The following MACROD2 variants were observed in gnomAD, a reference collection of about 807,000 sequenced individuals.
The protein encoded by MACROD2 is ADP-ribose glycohydrolase MACROD2.
In MACROD2, 36 loss-of-function variants were observed where a neutral mutation model predicts 70.4. That is an observed-to-expected ratio of 0.51 (90% CI 0.39 to 0.68). The LOEUF (loss-of-function observed/expected upper bound fraction) is 0.68, where lower values mean the gene tolerates loss of function less well. MACROD2 is among the 30% of genes least tolerant of loss of function. The probability of loss-of-function intolerance (pLI) is 0.00; values close to 1 mark genes in which losing one functional copy is unlikely to be tolerated. For missense variants in MACROD2, 496 were observed against 538.4 expected (o/e 0.92, Z 0.78); for synonymous variants, 172 against 178.8 (o/e 0.96, Z 0.30).
chr20:14,648,246 C>T (rs373438348), intron 4 of MACROD2, among the ~76,000 whole-genome samples: 1 of 152,092 alleles, frequency 6.6e-6, no homozygotes, highest in African/African-American at 2.4e-5. Context: ...GATGACTAGG[C>T]CTGTAAAGTA....
intron 6 of MACROD2, among the ~76,000 whole-genome samples, chr20:15,348,527 C>G (rs2078191561): frequency 6.6e-6 from 1 of 152,098 alleles, no homozygotes. Flanking sequence ...TTAGTCTGTT[C>G]TCATGCTGCT....
intron 3 of MACROD2, among the ~76,000 whole-genome samples, chr20:14,153,412 G>A (rs1376580648): frequency 6.6e-6 from 1 of 152,194 alleles, no homozygotes; most frequent in Non-Finnish European, 1.5e-5. Flanking sequence ...GTCCATCTGG[G>A]AACACTGAGA....
chr20:15,198,051 T>G (rs962173249), intron 5 of MACROD2, among the ~76,000 whole-genome samples: 1 of 144,342 alleles, frequency 6.9e-6, no homozygotes, highest in Non-Finnish European at 1.5e-5. Context: ...AAACTCCACC[T>G]CCCAGGTTCA....
At chr20:14,308,487 T>C (rs62207589) in intron 3 of MACROD2, among the ~76,000 whole-genome samples, 52 of 152,164 alleles carry the variant, frequency 3.4e-4, no homozygotes, top group Non-Finnish European at 7.4e-4. Flanking sequence ...AGTGAGTTCC[T>C]GGACCTTTGG....
chr20:14,880,639 C>G (rs971341120), intron 5 of MACROD2, among the ~76,000 whole-genome samples: 1 of 152,228 alleles, frequency 6.6e-6, no homozygotes, highest in African/African-American at 2.4e-5. Flanking sequence ...TTTAGCTTAT[C>G]TACAGCTATG....
chr20:15,650,598 A>AT (rs1257785163), intron 8 of MACROD2, among the ~76,000 whole-genome samples: 2 of 151,998 alleles, frequency 1.3e-5, no homozygotes, highest in East Asian at 1.9e-4. Context: ...TATACATTTA[A>AT]TTTTTTTTCT....
chr20:15,182,790 C>T (rs1333349985), intron 5 of MACROD2, among the ~76,000 whole-genome samples: 4 of 152,090 alleles, frequency 2.6e-5, no homozygotes, highest in African/African-American at 4.8e-5. Flanking sequence ...AATCTTCTGG[C>T]GCTGACATGG....
intron 8 of MACROD2, among the ~76,000 whole-genome samples, chr20:15,821,884 C>T (rs527893622): frequency 9.8e-4 from 149 of 152,096 alleles, no homozygotes; most frequent in Admixed American, 3.9e-3. Flanking sequence ...TACCGAGGGA[C>T]GACTGTATAC....
chr20:16,035,614 G>A (rs958907506), intron 15 of MACROD2, among the ~76,000 whole-genome samples: 1 of 152,000 alleles, frequency 6.6e-6, no homozygotes, highest in African/African-American at 2.4e-5. Flanking sequence ...ATTTAGAACT[G>A]AATCGATTAG....
intron 8 of MACROD2, among the ~76,000 whole-genome samples, chr20:15,537,190 T>G (rs989057574): frequency 6.6e-6 from 1 of 152,194 alleles, no homozygotes; most frequent in Non-Finnish European, 1.5e-5. Flanking sequence ...TTTATAAGAT[T>G]AAACCCCTTT....
intron 8 of MACROD2, among the ~76,000 whole-genome samples, chr20:15,732,441 T>C (rs1476006799): frequency 1.3e-5 from 2 of 152,226 alleles, no homozygotes; most frequent in African/African-American, 4.8e-5. Context: ...CAATATTCTT[T>C]ATCAAGGTCC....
chr20:14,502,435 G>A (rs572515130), intron 4 of MACROD2, among the ~76,000 whole-genome samples: 1 of 152,184 alleles, frequency 6.6e-6, no homozygotes, highest in African/African-American at 2.4e-5. Context: ...CCTTATTGCT[G>A]CAGCTCTCTT....
intron 3 of MACROD2, among the ~76,000 whole-genome samples, chr20:14,302,260 T>C (rs550655387): frequency 6.6e-6 from 1 of 152,328 alleles, no homozygotes; most frequent in East Asian, 1.9e-4. Context: ...TGTTGGACTG[T>C]ACTCCCTGTT....
chr20:14,743,771 C>T (rs1427713603), intron 5 of MACROD2, among the ~76,000 whole-genome samples: 5 of 152,144 alleles, frequency 3.3e-5, no homozygotes, highest in African/African-American at 1.2e-4. Context: ...CCTTAAATGG[C>T]AAAATGGACT....
chr20:14,758,755 GAGGATCTCTTT>G (rs2071976002), intron 5 of MACROD2, among the ~76,000 whole-genome samples: 1 of 152,072 alleles, frequency 6.6e-6, no homozygotes. Flanking sequence ...AGAAAATACT[GAGGATCTCTTT>G]AGGATTTCAG....
At chr20:15,121,928 A>G (rs985305944) in intron 5 of MACROD2, among the ~76,000 whole-genome samples, 1 of 152,148 alleles carries the variant, frequency 6.6e-6, no homozygotes, top group African/African-American at 2.4e-5. Context: ...TTTTCCTTAC[A>G]AAGAAGAAAT....
intron 6 of MACROD2, among the ~76,000 whole-genome samples, chr20:15,270,381 A>G (rs899211420): frequency 6.6e-6 from 1 of 152,192 alleles, no homozygotes; most frequent in South Asian, 2.1e-4. Context: ...TATTCTATGA[A>G]GCCGTTGATA....
chr20:14,036,837 G>A (rs899579748), intron 2 of MACROD2, among the ~76,000 whole-genome samples: 1 of 152,082 alleles, frequency 6.6e-6, no homozygotes, highest in Non-Finnish European at 1.5e-5. Context: ...CCACTTTTGT[G>A]TTTTTTGTAG....
At chr20:15,798,792 A>G (rs2063698150) in intron 8 of MACROD2, among the ~76,000 whole-genome samples, 2 of 152,204 alleles carry the variant, frequency 1.3e-5, no homozygotes, top group South Asian at 4.1e-4. Context: ...ATGTAGGTCT[A>G]TCAGAGCATG....
Sources: gnomAD v4.1 joint callset for allele counts (sites outside exome capture counted in the v4.1 genomes callset) on GRCh38, gnomAD v4.1.1 for gene constraint, MANE v1.5 for transcripts, NCBI Gene and HGNC (gene_info 2026-07-23, HGNC 2026-07-21) for gene names.